Variants in DPH1 observed in about 807,000 individuals in gnomAD.
The protein encoded by DPH1 is diphthamide biosynthesis 1.
Under a neutral mutation model 55.3 loss-of-function variants are expected in DPH1, and 59 were observed. The observed-to-expected ratio is 1.07, with a 90% CI of 0.87 to 1.33. The LOEUF is 1.33. Ranked by LOEUF, DPH1 falls within the 40% of genes most tolerant of loss-of-function variation. The probability of loss-of-function intolerance (pLI) is 0.00; values close to 1 mark genes in which losing one functional copy is unlikely to be tolerated. For missense variants in DPH1, 628 were observed against 584.8 expected (o/e 1.07, Z -0.76); for synonymous variants, 238 against 235.5 (o/e 1.01, Z -0.10).
chr17:2,041,001 T>C, intron 9 of DPH1, 102 bp from the exon 10 acceptor site: 2 of 1,100,520 alleles, frequency 1.8e-6, no homozygotes, highest in Non-Finnish European at 2.7e-6. Context: ...TCATAAAGCC[T>C]GTTAATGAAT....
Position 2,041,884 on chromosome 17 carries a change from C to A in DPH1, c.*18+9C>A. 6.4e-7 allele frequency: 1 copy of A among 1,565,910 alleles called. No homozygotes were observed. Among genetic ancestry groups the A allele is most frequent in the East Asian group, 2.3e-5 (1 of 42,630 alleles). On this transcript the variant is annotated intron_variant, in intron 12 of 12. Transcript: ENST00000263083. ...GCGCTCCCGGGCCTCAGGTATCAGC[C>A]CCCGCTCTGGGTGCGCCCCGCCTTT...
intron 3 of DPH1, 67 bp downstream of exon 3, chr17:2,033,909 G>T: frequency 1.3e-6 from 2 of 1,584,018 alleles, no homozygotes; most frequent in Non-Finnish European, 1.7e-6. Context: ...TCATTACCCG[G>T]GTGGGTAAAG....
Position 2,042,792 on chromosome 17 carries a change from A to AGC in DPH1, c.*207_*208dup. Reference sequence around the variant, plus strand: ...TTGGTTTCAGCCAAGGGGCTGCGCTAGCAGCCCTTGTGTGTGCCCTGGGCC... The same window carrying AGC: ...TTGGTTTCAGCCAAGGGGCTGCGCTAGCGCAGCCCTTGTGTGTGCCCTGGGCC... On this transcript the variant is annotated 3_prime_UTR_variant, in exon 13 of 13. Coordinates refer to ENST00000263083, the MANE Select transcript of DPH1 (RefSeq NM_001383.6). The AGC allele has an allele frequency of 6.2e-7, 1 of 1,613,500 alleles. No homozygotes were observed. Among genetic ancestry groups the AGC allele is most frequent in the Non-Finnish European group, 8.5e-7 (1 of 1,179,872 alleles).
rs200693145 is a variant in DPH1, at chr17:2,040,231, A to G, written c.763A>G (p.Ser255Gly). Residue 255 changes from serine (S) to glycine (G), a missense_variant, in exon 8 of 13, where the codon AGC (serine) becomes GGC (glycine). Transcript: ENST00000263083. ...CTTCTTTTCCAGGTATGACCCATATAGCAAAGTCCTATCCAGAGAACACTA... is the reference window on the plus strand; with the variant it reads ...CTTCTTTTCCAGGTATGACCCATATGGCAAAGTCCTATCCAGAGAACACTA... Reference protein sequence around the residue: ...NVPAYRYDPYSKVLSREHYDH... With the variant: ...NVPAYRYDPYGKVLSREHYDH... 326 of 1,614,048 alleles carry G rather than the reference A, an allele frequency of 2.0e-4. No homozygotes were observed. The African/African-American group carries it at 3.7e-3, about 18-fold the overall frequency.
chr17:2,041,858 C>A lies in DPH1; in HGVS notation c.*1C>A. ...GAAGGTGGCGCCGCTGGCTCCTTGA[C>A]GCGCTCCCGGGCCTCAGGTATCAGC... On this transcript the variant is annotated 3_prime_UTR_variant, in exon 12 of 13. Coordinates refer to ENST00000263083, the MANE Select transcript of DPH1 (RefSeq NM_001383.6). 1 of 1,591,380 alleles carries A rather than the reference C, an allele frequency of 6.3e-7. No individual in the cohort carries two copies. Among genetic ancestry groups the A allele is most frequent in the East Asian group, 2.3e-5 (1 of 43,922 alleles).
intron 7 of DPH1, 103 bp from the exon 8 acceptor site, chr17:2,040,115 G>A: frequency 6.8e-7 from 1 of 1,480,390 alleles, no homozygotes; most frequent in South Asian, 1.2e-5. Flanking sequence ...TACCTGCGTG[G>A]GGCCTAAAGG....
chr17:2,035,748 G>A (rs1416605505), intron 3 of DPH1, among the ~76,000 whole-genome samples: 1 of 152,092 alleles, frequency 6.6e-6, no homozygotes, highest in African/African-American at 2.4e-5. Flanking sequence ...GAGGAATGAG[G>A]GTCCTCACGC....
In DPH1 at chr17:2,040,343, T is replaced by C. The variant is rs752680359; in HGVS notation, c.875T>C (p.Leu292Ser). 6.2e-7 allele frequency: 1 copy of C among 1,613,982 alleles called. No individual in the cohort carries two copies. Among genetic ancestry groups the C allele is most frequent in the South Asian group, 1.1e-5 (1 of 91,086 alleles). ...AKSWGLILGT[L>S]GRQGSPKILE... ...TCCTGGGGCCTTATTCTGGGCACTT[T>C]GGGCCGCCAGGGCAGTCCTAAGATC... The change falls in exon 8 of 13, where the codon TTG becomes TCG. Residue 292 changes from leucine to serine, a missense_variant. Leu to Ser is a moderately radical substitution (Grantham distance 145, BLOSUM62 -2). Transcript: ENST00000263083.
chr17:2,038,146 CCAAAAAAAAAAA>C (rs1487395023), intron 6 of DPH1, among the ~76,000 whole-genome samples: 2 of 76,738 alleles, frequency 2.6e-5, no homozygotes, highest in Admixed American at 3.5e-4. Context: ...CCTGTTCTCT[CCAAAAAAAAAAA>C]AAAAAAAAAA....
At chr17:2,042,344 TC>T in intron 12 of DPH1, 1 of 1,355,878 alleles carries the variant, frequency 7.4e-7, no homozygotes, top group Non-Finnish European at 9.6e-7. Context: ...TCCCACCCAG[TC>T]CACACCCTTC....
At chr17:2,031,276 C>T (rs2067328137) in intron 1 of DPH1, among the ~76,000 whole-genome samples, 1 of 151,898 alleles carries the variant, frequency 6.6e-6, no homozygotes, top group African/African-American at 2.4e-5. Flanking sequence ...AATAGCCGTG[C>T]GTGGCCGGGC....
chr17:2,035,022 T>C (rs1597278288), intron 3 of DPH1: 1 of 150,744 alleles, frequency 6.6e-6, no homozygotes, highest in African/African-American at 2.4e-5. Context: ...TCTAAGGAGG[T>C]GAATAATCTG....
intron 3 of DPH1, among the ~76,000 whole-genome samples, chr17:2,034,233 G>T (rs779977943): frequency 1.3e-5 from 2 of 152,168 alleles, no homozygotes; most frequent in East Asian, 3.9e-4. Flanking sequence ...CCTGTTCCTC[G>T]GGCACATTTG....
At chr17:2,039,498 C>T in intron 6 of DPH1, 1 of 417,806 alleles carries the variant, frequency 2.4e-6, no homozygotes, top group South Asian at 2.4e-5. Context: ...CTGCCTCAGC[C>T]TCCCGAGTAG....
In DPH1 at chr17:2,041,853, C is replaced by T. The variant is rs1449644332; in HGVS notation, c.1313C>T (p.Pro438Leu). Residue 438 changes from proline (P) to leucine (L), a missense_variant, in exon 12 of 13, where the codon CCT (proline) becomes CTT (leucine). Pro to Leu is a moderately conservative substitution (Grantham distance 98, BLOSUM62 -3). Coordinates refer to ENST00000263083, the MANE Select transcript of DPH1 (RefSeq NM_001383.6). ...GACGAGAAGGTGGCGCCGCTGGCTC[C>T]TTGACGCGCTCCCGGGCCTCAGGTA... ...CRDEKVAPLA[P>L] is the part of the protein sequence containing the mutation. 2.5e-6 allele frequency: 4 copies of T among 1,594,134 alleles called. No homozygotes were observed. The highest frequency in any genetic ancestry group is 1.7e-4 in the Middle Eastern group (1 of 6,048).
chr17:2,042,659 C>G lies in DPH1; in HGVS notation c.*73C>G. ...GGCTGGTGGTTTTCAGAGCAGGAGG[C>G]CGACGTTTTCTCCGCATTGGAAGAG... On this transcript the variant is annotated 3_prime_UTR_variant, in exon 13 of 13. Coordinates refer to ENST00000263083, the MANE Select transcript of DPH1 (RefSeq NM_001383.6). The G allele has an allele frequency of 3.3e-6, 5 of 1,524,458 alleles. No individual in the cohort carries two copies. Among genetic ancestry groups the G allele is most frequent in the Non-Finnish European group, 3.5e-6 (4 of 1,139,744 alleles). The allele number at this position is 1,524,458 out of a possible 1,614,324, so 94.4% of individuals were successfully genotyped here. A position where few individuals can be genotyped will look rare whatever the true frequency, so the allele number is the denominator to read the frequency against.
At chr17:2,033,219 T>C (rs926144888) in intron 1 of DPH1, among the ~76,000 whole-genome samples, 10 of 152,146 alleles carry the variant, frequency 6.6e-5, no homozygotes, top group African/African-American at 2.4e-4. Flanking sequence ...AACTTAGGGA[T>C]ATATGTCAAG....
intron 9 of DPH1, chr17:2,040,876 A>G (rs2067508169): frequency 1.6e-6 from 1 of 632,290 alleles, no homozygotes; most frequent in Non-Finnish European, 2.8e-6. Context: ...GGTTCTGGGG[A>G]TACTATCACC....
chr17:2,043,181 C>T lies in DPH1; in HGVS notation c.*595C>T, dbSNP rs886859809. On this transcript the variant is annotated 3_prime_UTR_variant, in exon 13 of 13. Transcript: ENST00000263083. ...CCGTCATCCATGCCCTCCCAGGACC[C>T]TCCACTCACTGCTGTGAGTGCGCCT... 3.3e-6 allele frequency: 5 copies of T among 1,501,922 alleles called. No homozygotes were observed. The highest frequency in any genetic ancestry group is 1.4e-5 in the African/African-American group (1 of 72,368). 93.0% of individuals were successfully genotyped at this position (1,501,922 alleles called of 1,614,324 possible).
Sources: allele counts gnomAD v4.1 joint callset (sites outside exome capture counted in the v4.1 genomes callset), GRCh38; gene constraint gnomAD v4.1.1; transcripts MANE v1.5; gene names NCBI Gene and HGNC (gene_info 2026-07-23, HGNC 2026-07-21).